Variants in TENM2 observed in about 807,000 individuals in gnomAD.
The protein encoded by TENM2 is teneurin transmembrane protein 2.
TENM2 carries 52 observed loss-of-function variants against 245.2 expected under a neutral mutation model. The observed-to-expected ratio is 0.21, with a 90% CI of 0.17 to 0.27. The LOEUF (loss-of-function observed/expected upper bound fraction) is 0.27, where lower values mean the gene tolerates loss of function less well. TENM2 is among the 10% of genes least tolerant of loss of function. The pLI, the probability that TENM2 is intolerant of heterozygous loss-of-function variation, is 1.00. For missense variants in TENM2, 3,046 were observed against 3,666.8 expected (o/e 0.83, Z 4.37); for synonymous variants, 1,363 against 1,438.9 (o/e 0.95, Z 1.19).
At chr5:167,353,943 T>C (rs530361138) in intron 1 of TENM2, among the ~76,000 whole-genome samples, 1 of 152,298 alleles carries the variant, frequency 6.6e-6, no homozygotes, top group Non-Finnish European at 1.5e-5. Flanking sequence ...TAGTATCCCA[T>C]GCATATTGTA....
the TENM2 span, among the ~76,000 whole-genome samples, chr5:167,065,069 T>A: frequency 6.6e-6 from 1 of 152,272 alleles, no homozygotes; most frequent in South Asian, 2.1e-4. Context: ...GTAATAAAAA[T>A]AAAGTAAATT....
At chr5:168,239,649 T>C (rs181280467) in intron 25 of TENM2, among the ~76,000 whole-genome samples, 21 of 152,340 alleles carry the variant, frequency 1.4e-4, no homozygotes, top group African/African-American at 5.1e-4. Context: ...TTCAGGGTTC[T>C]TTCTGTAATC....
At chr5:168,143,241 T>C (rs1554206512) in intron 12 of TENM2, among the ~76,000 whole-genome samples, 1 of 151,314 alleles carries the variant, frequency 6.6e-6, no homozygotes, top group Non-Finnish European at 1.5e-5. Context: ...AAAATTGTTC[T>C]AGGGGTAGAT....
At chr5:167,200,069 G>A in the TENM2 span, among the ~76,000 whole-genome samples, 175 of 152,164 alleles carry the variant, frequency 1.2e-3, no homozygotes, top group African/African-American at 3.9e-3. Flanking sequence ...CCACTGCTTC[G>A]GATGAGGATG....
chr5:167,855,105 C>A (rs569063924), intron 2 of TENM2, among the ~76,000 whole-genome samples: 1 of 152,228 alleles, frequency 6.6e-6, no homozygotes, highest in South Asian at 2.1e-4. Flanking sequence ...CTGAGGCCTC[C>A]CTCTTCTCCA....
intron 1 of TENM2, among the ~76,000 whole-genome samples, chr5:167,317,822 CT>C (rs1756463149): frequency 6.6e-6 from 1 of 151,982 alleles, no homozygotes; most frequent in African/African-American, 2.4e-5. Context: ...GTGTGAGTGT[CT>C]GAGGGTTCAG....
chr5:167,887,796 A>G (rs1323984331), intron 3 of TENM2, among the ~76,000 whole-genome samples: 1 of 152,196 alleles, frequency 6.6e-6, no homozygotes, highest in Non-Finnish European at 1.5e-5. Context: ...AGGTGGCTGA[A>G]AACAACTGAA....
intron 13 of TENM2, among the ~76,000 whole-genome samples, chr5:168,165,489 T>C (rs1000485305): frequency 6.6e-6 from 1 of 152,046 alleles, no homozygotes; most frequent in Non-Finnish European, 1.5e-5. Flanking sequence ...CTCCCCAGCA[T>C]ACCCTGCCTT....
intron 23 of TENM2, among the ~76,000 whole-genome samples, chr5:168,224,101 A>G (rs1763926776): frequency 1.3e-5 from 2 of 152,198 alleles, no homozygotes; most frequent in Non-Finnish European, 2.9e-5. Context: ...AGGAACATCT[A>G]GGTTGTTCTA....
At chr5:167,542,510 C>T (rs1379948502) in intron 2 of TENM2, among the ~76,000 whole-genome samples, 4 of 151,992 alleles carry the variant, frequency 2.6e-5, no homozygotes, top group African/African-American at 7.2e-5. Flanking sequence ...AGGGTCAAGC[C>T]CAGGAATCCA....
At chr5:167,152,964 C>T in the TENM2 span, among the ~76,000 whole-genome samples, 3 of 152,118 alleles carry the variant, frequency 2.0e-5, no homozygotes, top group Non-Finnish European at 2.9e-5. Flanking sequence ...ACTGTGTATT[C>T]AAATAAGTCC....
chr5:168,258,885 T>TAAAA lies in TENM2; in HGVS notation c.7433-1395_7433-1394insAAAA, dbSNP rs1562347923. On this transcript the variant is annotated intron_variant, in intron 27 of 28. Coordinates refer to ENST00000518659, the Ensembl canonical transcript of TENM2. ...TATATGAGTTTTACATTTTTTTTTT[T>TAAAA]AAAGGGAAATGATTAGGCCAGGCAC... 8.9e-3 allele frequency among the ~76,000 whole-genome samples: 1,358 copies of TAAAA among 152,076 alleles called. 18 individuals carry two copies. Among genetic ancestry groups the TAAAA allele is most frequent in the African/African-American group, 0.031 (1,296 of 41,464 alleles).
chr5:167,373,909 G>A (rs1760588854), intron 1 of TENM2, among the ~76,000 whole-genome samples: 2 of 152,168 alleles, frequency 1.3e-5, no homozygotes, highest in South Asian at 2.1e-4. Context: ...TATAGAACAT[G>A]ACAACGTGTT....
chr5:167,198,466 A>G, the TENM2 span, among the ~76,000 whole-genome samples: 2 of 152,212 alleles, frequency 1.3e-5, no homozygotes, highest in South Asian at 4.1e-4. Flanking sequence ...TACAAGAAAT[A>G]GAATGGGGAA....
intron 2 of TENM2, among the ~76,000 whole-genome samples, chr5:167,631,313 A>G (rs1778856928): frequency 6.6e-6 from 1 of 152,212 alleles, no homozygotes; most frequent in Non-Finnish European, 1.5e-5. Context: ...GTCTGGGTAC[A>G]GCACACTCAC....
At chr5:168,027,567 C>A (rs1196641883) in intron 5 of TENM2, among the ~76,000 whole-genome samples, 1 of 152,158 alleles carries the variant, frequency 6.6e-6, no homozygotes, top group African/African-American at 2.4e-5. Flanking sequence ...GTGCCATGTT[C>A]TGGGCCATGT....
At chr5:168,142,482 T>C (rs1755643357) in intron 12 of TENM2, among the ~76,000 whole-genome samples, 2 of 152,248 alleles carry the variant, frequency 1.3e-5, no homozygotes, top group Admixed American at 1.3e-4. Flanking sequence ...GTTATAAAGT[T>C]ATGTCTTTTA....
chr5:167,338,117 T>C (rs1250583455), intron 1 of TENM2, among the ~76,000 whole-genome samples: 5 of 152,240 alleles, frequency 3.3e-5, no homozygotes, highest in African/African-American at 9.6e-5. Flanking sequence ...CATGCTGTAC[T>C]TATTACTGTA....
At chr5:167,080,122 T>C in the TENM2 span, among the ~76,000 whole-genome samples, 1 of 152,220 alleles carries the variant, frequency 6.6e-6, no homozygotes, top group African/African-American at 2.4e-5. Context: ...GCATCTTTCA[T>C]TTGTAAATAA....
Sources: allele counts gnomAD v4.1 joint callset (sites outside exome capture counted in the v4.1 genomes callset), GRCh38; gene constraint gnomAD v4.1.1; transcripts MANE v1.5; gene names NCBI Gene and HGNC (gene_info 2026-07-23, HGNC 2026-07-21).